AQP11: variants seen among roughly 807,000 people sequenced by gnomAD.
AQP11 encodes aquaporin 11, also known as aquaporin-11.
AQP11 carries 20 observed loss-of-function variants against 21.1 expected under a neutral mutation model. The observed-to-expected ratio is 0.95, with a 90% confidence interval of 0.67 to 1.38. AQP11 has a LOEUF of 1.38. AQP11 is among the 40% of genes most tolerant of loss of function. AQP11 has a pLI of 0.00. For missense variants in AQP11, 339 were observed against 340.4 expected (o/e 1.00, Z 0.03); for synonymous variants, 167 against 150.1 (o/e 1.11, Z -0.82).
intron 1 of AQP11, among the ~76,000 whole-genome samples, chr11:77,595,696 CG>C (rs1379709923): frequency 6.6e-6 from 1 of 151,890 alleles, no homozygotes; most frequent in African/African-American, 2.4e-5. Flanking sequence ...CAGAGGCAGG[CG>C]GATCACCTGA....
In AQP11 at chr11:77,609,502, G is replaced by A; in HGVS notation, c.*125G>A. The A allele has an allele frequency of 1.5e-6, 1 of 674,784 alleles. No homozygotes were observed. The highest frequency in any genetic ancestry group is 2.3e-6 in the Non-Finnish European group (1 of 430,452). The allele number at this position is 674,784 out of a possible 1,614,324, so 41.8% of individuals were successfully genotyped here. A position where few individuals can be genotyped will look rare whatever the true frequency, so the allele number is the denominator to read the frequency against. ...AGTGTTAACTTCCTTTGAGGAAGCT[G>A]CCTTATAGTTTTCATCACTGGGACT... On this transcript the variant is annotated 3_prime_UTR_variant, in exon 3 of 3. Transcript: ENST00000313578.
chr11:77,608,338 T>C (rs1342415704), intron 2 of AQP11, among the ~76,000 whole-genome samples: 3 of 152,230 alleles, frequency 2.0e-5, no homozygotes, highest in Non-Finnish European at 4.4e-5. Context: ...TCAAAACATT[T>C]TGGGCCGGGT....
chr11:77,593,802 C>A (rs529376079), intron 1 of AQP11, among the ~76,000 whole-genome samples: 1 of 152,156 alleles, frequency 6.6e-6, no homozygotes, highest in African/African-American at 2.4e-5. Flanking sequence ...AAAGCTCATA[C>A]GGATTCATTA....
chr11:77,596,323 C>T (rs1315464694), intron 1 of AQP11, among the ~76,000 whole-genome samples: 21 of 151,424 alleles, frequency 1.4e-4, no homozygotes, highest in Admixed American at 1.3e-3. Flanking sequence ...CGCCTGTAAT[C>T]CCAGCTGCTT....
intron 2 of AQP11, among the ~76,000 whole-genome samples, chr11:77,604,514 C>G (rs1395664221): frequency 6.6e-6 from 1 of 152,178 alleles, no homozygotes; most frequent in Non-Finnish European, 1.5e-5. Context: ...TAACTCATAA[C>G]TGTAAGTGAA....
chr11:77,600,580 A>G (rs903518301), intron 1 of AQP11, among the ~76,000 whole-genome samples: 10 of 152,250 alleles, frequency 6.6e-5, no homozygotes, highest in Non-Finnish European at 1.0e-4. Context: ...TACATCTTGT[A>G]TATCTACCTA....
Position 77,590,141 on chromosome 11 carries a change from A to C in AQP11, c.149A>C (p.Glu50Ala). The change falls in exon 1 of 3, where the codon GAG (glutamate) becomes GCG (alanine). Residue 50 changes from glutamate (E) to alanine (A), a missense_variant. By Grantham distance (107) the Glu-to-Ala change is moderately radical (BLOSUM62 -1). Transcript: ENST00000313578. ...HRPVAHAFVLEFLATFQLCCC... is the reference protein window; with the variant it reads ...HRPVAHAFVLAFLATFQLCCC... ...CCGGTGGCCCACGCCTTCGTCCTGG[A>C]GTTTCTAGCCACCTTCCAGCTCTGC... 1 of 1,608,502 alleles carries C rather than the reference A, an allele frequency of 6.2e-7. No individual in the cohort carries two copies. The highest frequency in any genetic ancestry group is 8.5e-7 in the Non-Finnish European group (1 of 1,179,684).
chr11:77,609,164 T>C (rs57805854), intron 2 of AQP11, 134 bp from the exon 3 acceptor site: 74,979 of 550,972 alleles, frequency 0.14, 6,016 homozygotes, highest in African/African-American at 0.23. Context: ...TCACGTAGAA[T>C]TGATGTAGCC....
intron 2 of AQP11, among the ~76,000 whole-genome samples, chr11:77,604,762 T>C (rs1009454507): frequency 1.3e-5 from 2 of 152,218 alleles, no homozygotes; most frequent in African/African-American, 4.8e-5. Flanking sequence ...ATGCTCAATA[T>C]TGTTATGCTC....
In AQP11 at chr11:77,589,971, C is replaced by A. The variant is rs979873861; in HGVS notation, c.-22C>A. 2.1e-6 allele frequency: 3 copies of A among 1,456,982 alleles called. No individual in the cohort carries two copies. The highest frequency in any genetic ancestry group is 2.6e-5 in the Admixed American group (1 of 37,782). The allele number at this position is 1,456,982 out of a possible 1,614,324, so 90.3% of individuals were successfully genotyped here. Reference sequence around the variant, plus strand: ...CCTACCCAGAGCCGGAGCCCGCAACCCGCTCAGGCGGCGACGGAGCCATGT... The same window carrying A: ...CCTACCCAGAGCCGGAGCCCGCAACACGCTCAGGCGGCGACGGAGCCATGT... On this transcript the variant is annotated 5_prime_UTR_variant, in exon 1 of 3. Coordinates refer to ENST00000313578, the MANE Select transcript of AQP11 (RefSeq NM_173039.3).
chr11:77,590,124 C>T lies in AQP11; in HGVS notation c.132C>T (p.Ala44=). ...GGCAGCAGCTGCACAGGCCGGTGGC[C>T]CACGCCTTCGTCCTGGAGTTTCTAG... is the stretch of plus-strand genomic sequence containing the variant. ...VARQQLHRPV[A]HAFVLEFLAT... Residue 44 remains alanine (A), a synonymous_variant, in exon 1 of 3, where the codon GCC becomes GCT. Coordinates refer to ENST00000313578, the MANE Select transcript of AQP11 (RefSeq NM_173039.3). 2 of 1,608,084 alleles carry T rather than the reference C, an allele frequency of 1.2e-6. No individual in the cohort carries two copies. The highest frequency in any genetic ancestry group is 1.7e-6 in the Non-Finnish European group (2 of 1,179,804).
chr11:77,599,629 C>T (rs1283450401), intron 1 of AQP11, among the ~76,000 whole-genome samples: 1 of 151,724 alleles, frequency 6.6e-6, no homozygotes, highest in Non-Finnish European at 1.5e-5. Context: ...GGGCTTCACT[C>T]TGTCACCCAG....
intron 2 of AQP11, among the ~76,000 whole-genome samples, chr11:77,608,344 C>A (rs1007135335): frequency 6.6e-6 from 1 of 152,092 alleles, no homozygotes; most frequent in Admixed American, 6.6e-5. Context: ...CATTTTGGGC[C>A]GGGTGCAGCA....
intron 2 of AQP11, among the ~76,000 whole-genome samples, chr11:77,606,512 C>T (rs983734784): frequency 1.8e-4 from 28 of 152,194 alleles, no homozygotes; most frequent in African/African-American, 5.8e-4. Context: ...CGAACATTCC[C>T]CCTAACCCCG....
At chr11:77,596,537 AATATATATATAT>A (rs529433093) in intron 1 of AQP11, among the ~76,000 whole-genome samples, 6 of 86,576 alleles carry the variant, frequency 6.9e-5, no homozygotes, top group Admixed American at 2.8e-4. Flanking sequence ...TATATATGTA[AATATATATATAT>A]ATATATATAT....
chr11:77,593,183 T>C (rs1958758732), intron 1 of AQP11, among the ~76,000 whole-genome samples: 1 of 152,204 alleles, frequency 6.6e-6, no homozygotes, highest in South Asian at 2.1e-4. Context: ...AAATAGACAA[T>C]TGTTGATTAC....
At chr11:77,601,870 C>G (rs576812398) in intron 1 of AQP11, among the ~76,000 whole-genome samples, 10 of 152,324 alleles carry the variant, frequency 6.6e-5, no homozygotes, top group African/African-American at 2.4e-4. Context: ...AGCAAACTTA[C>G]ATGGTCAGGG....
At chr11:77,606,452 CATT>C (rs1429164842) in intron 2 of AQP11, among the ~76,000 whole-genome samples, 16 of 152,260 alleles carry the variant, frequency 1.1e-4, no homozygotes, top group African/African-American at 3.9e-4. Context: ...GAAGATAACA[CATT>C]ATATGTAGCC....
intron 1 of AQP11, among the ~76,000 whole-genome samples, chr11:77,591,846 C>G (rs757684364): frequency 6.6e-5 from 10 of 151,994 alleles, no homozygotes; most frequent in Non-Finnish European, 1.2e-4. Context: ...TTTACTCCAG[C>G]CCAGGCGACA....
Sources: allele counts gnomAD v4.1 joint callset (sites outside exome capture counted in the v4.1 genomes callset), GRCh38; gene constraint gnomAD v4.1.1; transcripts MANE v1.5; gene names NCBI Gene and HGNC (gene_info 2026-07-23, HGNC 2026-07-21).